Variants in FSD1L observed in about 807,000 individuals in gnomAD.
The protein encoded by FSD1L is FSD1-like protein.
A neutral mutation model predicts 71.6 loss-of-function variants in FSD1L; 45 were observed. The observed-to-expected ratio is 0.63, with a 90% CI of 0.49 to 0.81. The LOEUF is 0.81. FSD1L is among the 30% of genes least tolerant of loss of function. The pLI is 0.00. For synonymous variants in FSD1L, 197 were observed against 207.2 expected (o/e 0.95, Z 0.42); for missense variants, 561 against 618.1 (o/e 0.91, Z 0.98).
Position 105,522,755 on chromosome 9 carries a change from T to C in FSD1L, c.1025+9819T>C, listed in dbSNP as rs936416880. On this transcript the variant is annotated intron_variant, in intron 10 of 13. Transcript: ENST00000481272. ...GTGATATTGGCAGCAGCAGTGCTAA[T>C]GTTCCTGATCTGATGGATGAGTTTA... is the stretch of plus-strand genomic sequence containing the variant. 5 of 1,607,704 alleles carry C rather than the reference T, an allele frequency of 3.1e-6. No homozygotes were observed. The African/African-American group carries it at 6.7e-5, about 21-fold the overall frequency.
chr9:105,486,919 T>C (rs1360005622), intron 7 of FSD1L, among the ~76,000 whole-genome samples: 1 of 152,148 alleles, frequency 6.6e-6, no homozygotes, highest in East Asian at 1.9e-4. Context: ...CTAGAAACAG[T>C]CTATGCCTGT....
intron 10 of FSD1L, chr9:105,523,866 C>T: frequency 6.3e-7 from 1 of 1,594,890 alleles, no homozygotes; most frequent in Non-Finnish European, 8.6e-7. Flanking sequence ...ACTTGGTTTG[C>T]CTGGTGCCAC....
Position 105,535,338 on chromosome 9 carries a change from G to A in FSD1L, c.1378+20G>A, listed in dbSNP as rs1247790879. 1.3e-6 allele frequency: 2 copies of A among 1,550,104 alleles called. No individual in the cohort carries two copies. Among genetic ancestry groups the A allele is most frequent in the Admixed American group, 3.9e-5 (2 of 50,974 alleles). The stretch of plus-strand genomic sequence containing the variant: ...ATGGGGGTAAGTTTATTTTCTCGTA[G>A]GTTATTTCATCATAGTTGCTTGCAT... On this transcript the variant is annotated intron_variant, in intron 12 of 13. Transcript: ENST00000481272.
chr9:105,508,523 A>G (rs1161385084), intron 8 of FSD1L, 94 bp from the exon 9 acceptor site: 3 of 710,684 alleles, frequency 4.2e-6, no homozygotes, highest in African/African-American at 1.8e-5. Flanking sequence ...GAATACAGAG[A>G]CACGGTTCTT....
At chr9:105,510,743 C>A (rs1359519047) in intron 9 of FSD1L, among the ~76,000 whole-genome samples, 1 of 152,084 alleles carries the variant, frequency 6.6e-6, no homozygotes, top group South Asian at 2.1e-4. Context: ...TAGTTATTTT[C>A]TTGTGAAGGT....
intron 1 of FSD1L, among the ~76,000 whole-genome samples, chr9:105,452,048 T>C (rs1387935426): frequency 6.6e-6 from 1 of 152,108 alleles, no homozygotes; most frequent in Non-Finnish European, 1.5e-5. Flanking sequence ...GGGTAGTGAG[T>C]GACAGGTGAG....
At chr9:105,531,752 C>A (rs923786561) in intron 10 of FSD1L, among the ~76,000 whole-genome samples, 5 of 152,062 alleles carry the variant, frequency 3.3e-5, no homozygotes, top group Non-Finnish European at 7.4e-5. Flanking sequence ...AATGTACTTT[C>A]ATTTCAGATA....
chr9:105,520,506 A>G, intron 10 of FSD1L: 1 of 1,096,778 alleles, frequency 9.1e-7, no homozygotes, highest in Non-Finnish European at 1.4e-6. Flanking sequence ...TGGATGCTAT[A>G]CTTTTTATTT....
chr9:105,454,811 T>C (rs1286821447), intron 1 of FSD1L, among the ~76,000 whole-genome samples: 2 of 152,190 alleles, frequency 1.3e-5, no homozygotes, highest in African/African-American at 2.4e-5. Flanking sequence ...AGCCAGTTCT[T>C]TTACTAGCAT....
chr9:105,468,142 A>G, intron 3 of FSD1L, 51 bp from the exon 4 acceptor site: 1 of 1,289,208 alleles, frequency 7.8e-7, no homozygotes, highest in African/African-American at 1.6e-5. Flanking sequence ...TTTAGGTTTT[A>G]AATGTTTGAT....
At chr9:105,486,446 A>G (rs920144354) in intron 7 of FSD1L, among the ~76,000 whole-genome samples, 1 of 152,178 alleles carries the variant, frequency 6.6e-6, no homozygotes, top group Non-Finnish European at 1.5e-5. Context: ...CTGATGTTTT[A>G]CTTTTAAGTA....
upstream of FSD1L, among the ~76,000 whole-genome samples, chr9:105,445,800 T>A (rs987411863): frequency 6.6e-6 from 1 of 152,166 alleles, no homozygotes; most frequent in Non-Finnish European, 1.5e-5. Flanking sequence ...GCTGCACTTG[T>A]TATTCCTCAC....
chr9:105,526,497 TG>T, intron 10 of FSD1L: 1 of 1,612,250 alleles, frequency 6.2e-7, no homozygotes. Context: ...TCCATGAAGC[TG>T]CGTCGTTCCT....
rs1347087179 is a variant in FSD1L at position 105,479,371 on chromosome 9, G to A, written c.459G>A (p.Lys153=). 6.5e-7 allele frequency: 1 copy of A among 1,549,870 alleles called. No individual in the cohort carries two copies. Among genetic ancestry groups the A allele is most frequent in the African/African-American group, 1.4e-5 (1 of 72,980 alleles). The part of the protein sequence containing the change: ...EEFSKAARQI[K]DRVTMASAFR... ...GCTCCAAGGCTGCCAGACAGATCAA[G>A]GATAGGTATGGTATAAAACACATTT... The change falls in exon 6 of 14, where the codon AAG becomes AAA. Residue 153 remains lysine, a synonymous_variant. Transcript: ENST00000481272.
chr9:105,517,194 A>G (rs1470284244), intron 10 of FSD1L, among the ~76,000 whole-genome samples: 8 of 152,204 alleles, frequency 5.3e-5, no homozygotes, highest in Admixed American at 4.6e-4. Context: ...CCAAATCTAC[A>G]TTTGATTGGT....
chr9:105,512,622 G>T (rs999649284), intron 9 of FSD1L, among the ~76,000 whole-genome samples, 185 bp from the exon 10 acceptor site: 3 of 152,058 alleles, frequency 2.0e-5, no homozygotes, highest in Admixed American at 1.3e-4. Flanking sequence ...TGGGAAATCA[G>T]ATAAGAATTA....
intron 10 of FSD1L, chr9:105,526,456 A>G: frequency 1.2e-6 from 2 of 1,612,772 alleles, no homozygotes; most frequent in Non-Finnish European, 1.7e-6. Context: ...TGGCCTCTCC[A>G]ATGTCTCCTC....
chr9:105,496,520 C>T (rs1833416203), intron 7 of FSD1L, among the ~76,000 whole-genome samples: 2 of 152,144 alleles, frequency 1.3e-5, no homozygotes, highest in Admixed American at 1.3e-4. Flanking sequence ...TATTTCTATC[C>T]ATAAACATTG....
chr9:105,446,747 T>C (rs1051997273), upstream of FSD1L, among the ~76,000 whole-genome samples: 2 of 150,430 alleles, frequency 1.3e-5, no homozygotes, highest in Admixed American at 1.3e-4. Flanking sequence ...CTATACTAGA[T>C]TGTAAGCTCT....
Sources: allele counts gnomAD v4.1 joint callset (sites outside exome capture counted in the v4.1 genomes callset), GRCh38; gene constraint gnomAD v4.1.1; transcripts MANE v1.5; gene names NCBI Gene and HGNC (gene_info 2026-07-23, HGNC 2026-07-21).